Variants in MICAL3 observed in about 807,000 individuals in gnomAD.
MICAL3 encodes microtubule associated monooxygenase, calponin and LIM domain containing 3, also known as [F-actin]-monooxygenase MICAL3.
A neutral mutation model predicts 207.4 loss-of-function variants in MICAL3; 62 were observed. The observed-to-expected ratio is 0.30, with a 90% CI of 0.24 to 0.37. The LOEUF (loss-of-function observed/expected upper bound fraction) is 0.37. Ranked by LOEUF, MICAL3 falls within the 10% of genes least tolerant of loss-of-function variation. MICAL3 has a pLI of 1.00. For missense variants in MICAL3, 2,368 were observed against 2,635.6 expected (o/e 0.90, Z 2.22); for synonymous variants, 1,077 against 1,069.3 (o/e 1.01, Z -0.14).
chr22:17,801,899 AAAC>A (rs2061944045), intron 29 of MICAL3, among the ~76,000 whole-genome samples: 1 of 151,952 alleles, frequency 6.6e-6, no homozygotes, highest in South Asian at 2.1e-4. Context: ...ATCTCAAAAA[AAAC>A]AAACAAACAA....
chr22:17,862,434 G>T, intron 19 of MICAL3: 1 of 483,004 alleles, frequency 2.1e-6, no homozygotes, highest in Non-Finnish European at 2.7e-6. Context: ...TAATTTTTTT[G>T]TATTTTTAGT....
chr22:17,792,726 C>T (rs1049982917), intron 29 of MICAL3, among the ~76,000 whole-genome samples: 24 of 152,346 alleles, frequency 1.6e-4, no homozygotes, highest in Admixed American at 1.2e-3. Flanking sequence ...AGTGCACATG[C>T]GGTTCTGCTC....
intron 1 of MICAL3, among the ~76,000 whole-genome samples, chr22:17,965,951 C>A (rs941043653): frequency 6.6e-6 from 1 of 152,186 alleles, no homozygotes; most frequent in Non-Finnish European, 1.5e-5. Context: ...GACCAACCAC[C>A]GTGGGACTTC....
At chr22:17,945,635 G>A (rs1934029480) in intron 1 of MICAL3, among the ~76,000 whole-genome samples, 1 of 152,140 alleles carries the variant, frequency 6.6e-6, no homozygotes, top group South Asian at 2.1e-4. Context: ...GGGAGGGGAG[G>A]GGCTCAGTAA....
At chr22:17,854,272 A>G (rs575544980) in intron 19 of MICAL3, among the ~76,000 whole-genome samples, 7 of 152,264 alleles carry the variant, frequency 4.6e-5, no homozygotes, top group African/African-American at 1.7e-4. Context: ...GACACACCCG[A>G]CACACCACAA....
chr22:18,003,788 T>A (rs951363302), intron 1 of MICAL3, among the ~76,000 whole-genome samples: 1 of 151,792 alleles, frequency 6.6e-6, no homozygotes, highest in Non-Finnish European at 1.5e-5. Flanking sequence ...TTTTTTTTTT[T>A]AAGATGGAGT....
chr22:17,851,244 G>A (rs1925298580), intron 19 of MICAL3, among the ~76,000 whole-genome samples: 1 of 152,206 alleles, frequency 6.6e-6, no homozygotes, highest in African/African-American at 2.4e-5. Context: ...CAAGTCAATA[G>A]TTGCAGGGCT....
At chr22:17,894,721 CAGG>C (rs967863790) in intron 10 of MICAL3, among the ~76,000 whole-genome samples, 37 of 149,322 alleles carry the variant, frequency 2.5e-4, no homozygotes, top group Non-Finnish European at 3.5e-4. Flanking sequence ...CACTTGAACC[CAGG>C]AAGTGGAGGC....
At chr22:17,940,714 G>A (rs1933768751) in intron 1 of MICAL3, among the ~76,000 whole-genome samples, 2 of 152,092 alleles carry the variant, frequency 1.3e-5, no homozygotes, top group African/African-American at 4.8e-5. Context: ...GGGAAACCAG[G>A]CAGAAGAGGC....
Position 17,817,499 on chromosome 22 carries a change from G to C in MICAL3, c.5162C>G (p.Pro1721Arg), listed in dbSNP as rs756390963. 4 of 1,612,940 alleles carry C rather than the reference G, an allele frequency of 2.5e-6. 1 individual carries two copies. The South Asian group carries it at 3.3e-5, about 13-fold the overall frequency. The part of the protein sequence containing the change: ...EKKSKGEGRP[P>R]EKPSSNLLEE... ...TAGGAGGTTGGAGCTGGGCTTCTCC[G>C]GGGGCCGGCCCTCGCCTTTGGACTT... Residue 1721 changes from proline to arginine, a missense_variant, in exon 26 of 32, where the codon CCG becomes CGG. Physicochemically the swap from Pro to Arg is moderately radical, Grantham distance 103. Around this residue, in one of 4 missense-constraint regions of MICAL3, gnomAD observed 1,770 missense variants for 1,863.2 expected, o/e 0.95. Coordinates refer to ENST00000441493, the MANE Select transcript of MICAL3 (RefSeq NM_015241.3).
In MICAL3 at chr22:17,822,111, C is replaced by T. The variant is rs556903673; in HGVS notation, c.3367G>A (p.Ala1123Thr). 4 of 1,613,940 alleles carry T rather than the reference C, an allele frequency of 2.5e-6. No homozygotes were observed. The Admixed American group carries it at 6.7e-5, about 27-fold the overall frequency. Residue 1123 changes from alanine to threonine, a missense_variant, in exon 24 of 32, where the codon GCT becomes ACT. Physicochemically the swap from Ala to Thr is moderately conservative, Grantham distance 58. Transcript: ENST00000441493. ...ADRELRLPCPAEGEAELELRV... is the reference protein window; with the variant it reads ...ADRELRLPCPTEGEAELELRV... ...AGCTCCAGCTCTGCTTCCCCCTCAGCTGGGCACGGCAAACGCAGCTCTCTG... is the reference window on the plus strand; with the variant it reads ...AGCTCCAGCTCTGCTTCCCCCTCAGTTGGGCACGGCAAACGCAGCTCTCTG...
chr22:17,806,926 G>A (rs774792827), intron 29 of MICAL3, among the ~76,000 whole-genome samples: 2 of 152,218 alleles, frequency 1.3e-5, no homozygotes. Context: ...AACAGGGCCC[G>A]TGACAGGGGC....
intron 1 of MICAL3, among the ~76,000 whole-genome samples, chr22:17,950,166 A>ATTTTTT (rs10657913): frequency 2.1e-5 from 3 of 143,974 alleles, no homozygotes; most frequent in Admixed American, 1.4e-4. Flanking sequence ...ACAGCTGTCT[A>ATTTTTT]TTTTTTTTTT....
At chr22:17,828,743 T>C (rs915531002) in intron 21 of MICAL3, among the ~76,000 whole-genome samples, 10 of 152,120 alleles carry the variant, frequency 6.6e-5, no homozygotes, top group African/African-American at 2.4e-4. Flanking sequence ...TGCCACACAG[T>C]TGGGTTAAGA....
intron 1 of MICAL3, among the ~76,000 whole-genome samples, chr22:17,925,478 C>T (rs901048453): frequency 7.2e-5 from 11 of 152,060 alleles, no homozygotes; most frequent in African/African-American, 1.4e-4. Context: ...AACCTGAAGA[C>T]GATTATGGTT....
intron 24 of MICAL3, among the ~76,000 whole-genome samples, chr22:17,821,806 G>A (rs1433242203): frequency 1.3e-5 from 2 of 152,214 alleles, no homozygotes; most frequent in African/African-American, 4.8e-5. Flanking sequence ...CCTTCTCCCA[G>A]ACCCAAACTA....
At chr22:17,808,792 G>T in intron 29 of MICAL3, 52 bp downstream of exon 29, 1 of 1,460,994 alleles carries the variant, frequency 6.8e-7, no homozygotes, top group Non-Finnish European at 9.4e-7. Context: ...CTACCACGGC[G>T]GGAGGGAGGG....
rs1020454048 is a variant in MICAL3, at chr22:17,938,280, G to T, written c.-74-31394C>A. On this transcript the variant is annotated intron_variant, in intron 1 of 31. Coordinates refer to ENST00000441493, the MANE Select transcript of MICAL3 (RefSeq NM_015241.3). ...CGTAATTATTCCACTTCCCCACAAAGAACTCACAGGTGTCAAGAATGAAAT... is the reference window on the plus strand; with the variant it reads ...CGTAATTATTCCACTTCCCCACAAATAACTCACAGGTGTCAAGAATGAAAT... Among the ~76,000 whole-genome samples the T allele has an allele frequency of 5.3e-5, 8 of 152,138 alleles. No individual in the cohort carries two copies. The South Asian group carries it at 1.7e-3, about 32-fold the overall frequency.
intron 1 of MICAL3, among the ~76,000 whole-genome samples, chr22:17,997,186 C>G (rs998779551): frequency 6.6e-6 from 1 of 151,110 alleles, no homozygotes; most frequent in African/African-American, 2.4e-5. Flanking sequence ...ACCTCAGCCT[C>G]CAGAGTAGCT....
Sources: gnomAD v4.1 joint callset for allele counts (sites outside exome capture counted in the v4.1 genomes callset) on GRCh38, gnomAD v4.1.1 for gene constraint, gnomAD v4.1.1 regional missense constraint, MANE v1.5 for transcripts, NCBI Gene and HGNC (gene_info 2026-07-23, HGNC 2026-07-21) for gene names.